Variants in AGPAT5 observed in about 807,000 individuals in gnomAD.
The protein encoded by AGPAT5 is 1-acyl-sn-glycerol-3-phosphate acyltransferase epsilon.
In AGPAT5, 46 loss-of-function variants were observed where a neutral mutation model predicts 45.6. That is an observed-to-expected ratio of 1.01 (90% CI 0.80 to 1.29). The LOEUF (loss-of-function observed/expected upper bound fraction) is 1.29. AGPAT5 is among the 50% of genes most tolerant of loss of function. The probability of loss-of-function intolerance (pLI) is 0.00; values close to 1 mark genes in which losing one functional copy is unlikely to be tolerated. For missense variants in AGPAT5, 673 were observed against 450.7 expected (o/e 1.49, Z -4.47); for synonymous variants, 272 against 167.0 (o/e 1.63, Z -4.85).
chr8:6,710,876 A>C (rs960907339), intron 1 of AGPAT5, among the ~76,000 whole-genome samples: 1 of 152,058 alleles, frequency 6.6e-6, no homozygotes, highest in Admixed American at 6.5e-5. Context: ...TTTTGATTAA[A>C]ATTTTTAGCT....
At chr8:6,751,633 T>C (rs2116957397) in intron 6 of AGPAT5, among the ~76,000 whole-genome samples, 1 of 152,346 alleles carries the variant, frequency 6.6e-6, no homozygotes, top group South Asian at 2.1e-4. Context: ...CTGGGCATTC[T>C]CTCATGGTTC....
chr8:6,708,901 CGCTCCCGGGTCTCGGCGTCCACCCGA>C lies in AGPAT5; in HGVS notation c.219+24_219+49del. 1.3e-6 allele frequency: 2 copies of C among 1,593,328 alleles called. No individual in the cohort carries two copies. The highest frequency in any genetic ancestry group is 1.7e-6 in the Non-Finnish European group (2 of 1,171,424). The stretch of plus-strand genomic sequence containing the variant: ...ACCGGGGTCCAGGTGAGCCGCCTCC[CGCTCCCGGGTCTCGGCGTCCACCCGA>C]GCTCCCGGGGGCGCGGACCTCTCCG... On this transcript the variant is annotated intron_variant, in intron 1 of 7. Transcript: ENST00000285518.
At chr8:6,751,567 C>A (rs1801654559) in intron 6 of AGPAT5, among the ~76,000 whole-genome samples, 1 of 152,214 alleles carries the variant, frequency 6.6e-6, no homozygotes, top group Non-Finnish European at 1.5e-5. Context: ...TGTCCCTTGT[C>A]CTTCCCGTTT....
chr8:6,754,224 C>T (rs532026041), intron 6 of AGPAT5, among the ~76,000 whole-genome samples: 20 of 152,276 alleles, frequency 1.3e-4, no homozygotes, highest in African/African-American at 4.3e-4. Context: ...AAATAATAGC[C>T]TCATACCTTG....
intron 1 of AGPAT5, 92 bp from the exon 2 acceptor site, chr8:6,724,778 A>G (rs1300768425): frequency 2.0e-5 from 8 of 402,852 alleles, no homozygotes; most frequent in Non-Finnish European, 3.6e-5. Context: ...AATATTCACA[A>G]CATCATTCGT....
At position 6,759,195 on chromosome 8, in the gene AGPAT5, T is replaced by A. The variant is rs563849141; in HGVS notation, c.*1807T>A. The A allele has an allele frequency of 2.6e-4, 39 of 152,326 alleles. No individual in the cohort carries two copies. Among genetic ancestry groups the A allele is most frequent in the Non-Finnish European group, 4.7e-4 (32 of 68,030 alleles). The allele number at this position is 152,326 out of a possible 1,614,324, so 9.4% of individuals were successfully genotyped here. A position where few individuals can be genotyped will look rare whatever the true frequency, so the allele number is the denominator to read the frequency against. The stretch of plus-strand genomic sequence containing the variant: ...AGATCAATTCCATGTCTTTGTTAAG[T>A]ACAGGGATTTAATATATTTTGAATA... On this transcript the variant is annotated 3_prime_UTR_variant, in exon 8 of 8. Transcript: ENST00000285518.
intron 1 of AGPAT5, among the ~76,000 whole-genome samples, chr8:6,712,876 A>G (rs1269887404): frequency 6.6e-6 from 1 of 151,956 alleles, no homozygotes; most frequent in Non-Finnish European, 1.5e-5. Flanking sequence ...CAAATGTCAG[A>G]ATTCTTTTTT....
chr8:6,750,874 GTC>G (rs144368182), intron 6 of AGPAT5, among the ~76,000 whole-genome samples: 387 of 152,290 alleles, frequency 2.5e-3, no homozygotes, highest in Non-Finnish European at 3.6e-3. Flanking sequence ...CTTTGGAAAT[GTC>G]TCTCAGATGT....
chr8:6,727,148 T>C (rs1003575210), intron 2 of AGPAT5, among the ~76,000 whole-genome samples: 4 of 152,192 alleles, frequency 2.6e-5, no homozygotes, highest in African/African-American at 9.7e-5. Flanking sequence ...GTTGTTCTGC[T>C]TAGACTTTCT....
chr8:6,732,602 G>C lies in AGPAT5; in HGVS notation c.447G>C (p.Glu149Asp), dbSNP rs772815234. The change falls in exon 4 of 8, where the codon GAG (glutamate) becomes GAC (aspartate). Residue 149 changes from glutamate to aspartate, a missense_variant. By Grantham distance (45) the Glu-to-Asp change is conservative. Coordinates refer to ENST00000285518, the MANE Select transcript of AGPAT5 (RefSeq NM_018361.5). ...TAAAGCGCAGTGCCAAATTTAACGA[G>C]AAAGAGATGCGAAACAAGTTGCAGA... ...IYVKRSAKFN[E>D]KEMRNKLQSY... 1.2e-6 allele frequency: 2 copies of C among 1,611,294 alleles called. No individual in the cohort carries two copies. The highest frequency in any genetic ancestry group is 1.7e-5 in the Admixed American group (1 of 59,042).
In AGPAT5 at chr8:6,747,835, G is replaced by T. The variant is rs1157171231; in HGVS notation, c.745+7G>T. ...GAGTCACCGACCATGACGGGTAAGT[G>T]TGTTCACGCACCTGAAATGCCTGTA... On this transcript the variant is annotated splice_region_variant and intron_variant, in intron 6 of 7. Coordinates refer to ENST00000285518, the MANE Select transcript of AGPAT5 (RefSeq NM_018361.5). The T allele has an allele frequency of 6.2e-7, 1 of 1,613,538 alleles. No individual in the cohort carries two copies. Among genetic ancestry groups the T allele is most frequent in the African/African-American group, 1.3e-5 (1 of 74,914 alleles).
chr8:6,741,040 T>C (rs1801229679), intron 4 of AGPAT5, among the ~76,000 whole-genome samples: 1 of 152,184 alleles, frequency 6.6e-6, no homozygotes, highest in South Asian at 2.1e-4. Flanking sequence ...GACTAATTGA[T>C]TACTTATTAA....
intron 1 of AGPAT5, among the ~76,000 whole-genome samples, chr8:6,715,497 T>C (rs1239918007): frequency 6.6e-6 from 1 of 152,226 alleles, no homozygotes; most frequent in Non-Finnish European, 1.5e-5. Flanking sequence ...TGTGCAAGTA[T>C]TGTTCTATTA....
intron 4 of AGPAT5, among the ~76,000 whole-genome samples, chr8:6,733,765 C>T (rs1329968000): frequency 6.6e-6 from 1 of 152,238 alleles, no homozygotes; most frequent in Non-Finnish European, 1.5e-5. Flanking sequence ...CATCCCACTT[C>T]TCTCCCAGCT....
intron 2 of AGPAT5, among the ~76,000 whole-genome samples, chr8:6,729,834 A>T (rs975620788): frequency 6.6e-6 from 1 of 152,156 alleles, no homozygotes; most frequent in African/African-American, 2.4e-5. Context: ...TTAATAACAT[A>T]TTTATTTAAC....
chr8:6,728,742 A>G (rs1184971211), intron 2 of AGPAT5, among the ~76,000 whole-genome samples: 3 of 152,242 alleles, frequency 2.0e-5, no homozygotes, highest in African/African-American at 7.2e-5. Context: ...ATACAGAATT[A>G]GTTCTCAGAA....
At chr8:6,755,009 C>G (rs1383282226) in intron 6 of AGPAT5, 42 bp from the exon 7 acceptor site, 1 of 1,505,860 alleles carries the variant, frequency 6.6e-7, no homozygotes, top group Non-Finnish European at 8.9e-7. Context: ...ACCATGAGTT[C>G]TAAAATAGTA....
At chr8:6,733,983 T>C (rs1296760826) in intron 4 of AGPAT5, among the ~76,000 whole-genome samples, 1 of 152,220 alleles carries the variant, frequency 6.6e-6, no homozygotes, top group African/African-American at 2.4e-5. Context: ...TTGTCATGTG[T>C]CTTGTTTATG....
At chr8:6,753,165 G>C (rs1165646316) in intron 6 of AGPAT5, among the ~76,000 whole-genome samples, 1 of 152,214 alleles carries the variant, frequency 6.6e-6, no homozygotes, top group Non-Finnish European at 1.5e-5. Context: ...GCACATTTCG[G>C]AGTGCTTTTG....
Sources: allele counts gnomAD v4.1 joint callset (sites outside exome capture counted in the v4.1 genomes callset), GRCh38; gene constraint gnomAD v4.1.1; transcripts MANE v1.5; gene names NCBI Gene and HGNC (gene_info 2026-07-23, HGNC 2026-07-21).